The following MACROD2 variants were observed in gnomAD, a reference collection of about 807,000 sequenced individuals.
MACROD2 encodes the protein mono-ADP ribosylhydrolase 2, also known as ADP-ribose glycohydrolase MACROD2.
Under a neutral mutation model 70.4 loss-of-function variants are expected in MACROD2, and 36 were observed. The observed-to-expected ratio is 0.51, with a 90% CI of 0.39 to 0.68. MACROD2 has a LOEUF of 0.68. Among genes scored for constraint, MACROD2 ranks in the 30% least tolerant of loss-of-function variants. The pLI is 0.00. For synonymous variants in MACROD2, 172 were observed against 178.8 expected (o/e 0.96, Z 0.30); for missense variants, 496 against 538.4 (o/e 0.92, Z 0.78).
intron 4 of MACROD2, among the ~76,000 whole-genome samples, chr20:14,658,947 G>A (rs746881839): frequency 2.0e-5 from 3 of 152,128 alleles, no homozygotes; most frequent in Non-Finnish European, 4.4e-5. Flanking sequence ...TTAAAATAGC[G>A]ATTTTCAAAC....
At chr20:14,847,382 C>T (rs2073153910) in intron 5 of MACROD2, among the ~76,000 whole-genome samples, 1 of 151,562 alleles carries the variant, frequency 6.6e-6, no homozygotes, top group South Asian at 2.1e-4. Context: ...AAGAAGTCTT[C>T]TTGTCCCAGG....
rs1182453526 is a variant in MACROD2 at position 14,662,526 on chromosome 20, G to A, written c.302-22317G>A. Among the ~76,000 whole-genome samples the A allele has an allele frequency of 2.0e-5, 3 of 152,124 alleles. No homozygotes were observed. The East Asian group carries it at 5.8e-4, about 29-fold the overall frequency. ...ACTAAAGGCCTTCTGTACAGCAAAG[G>A]AAACTGTCAACAGAATGAACAGACA... On this transcript the variant is annotated intron_variant, in intron 4 of 17. Transcript: ENST00000684519.
At chr20:15,481,947 C>T (rs578063982) in intron 7 of MACROD2, among the ~76,000 whole-genome samples, 4 of 152,034 alleles carry the variant, frequency 2.6e-5, no homozygotes, top group South Asian at 4.2e-4. Flanking sequence ...GAAGTCTTTA[C>T]GGGATTGTTA....
At chr20:14,650,106 A>G (rs1985604301) in intron 4 of MACROD2, among the ~76,000 whole-genome samples, 2 of 152,132 alleles carry the variant, frequency 1.3e-5, no homozygotes, top group African/African-American at 4.8e-5. Flanking sequence ...TCCTACTATC[A>G]ATCTGAGTGG....
intron 8 of MACROD2, among the ~76,000 whole-genome samples, chr20:15,517,856 G>A (rs1437744604): frequency 6.6e-6 from 1 of 152,210 alleles, no homozygotes; most frequent in African/African-American, 2.4e-5. Context: ...AGAACTCATA[G>A]TCTTAACAGA....
At chr20:14,413,399 T>A (rs892192940) in intron 3 of MACROD2, among the ~76,000 whole-genome samples, 4 of 152,172 alleles carry the variant, frequency 2.6e-5, no homozygotes, top group Middle Eastern at 3.4e-3. Flanking sequence ...TGAACAATGT[T>A]CATGTATACT....
intron 6 of MACROD2, among the ~76,000 whole-genome samples, chr20:15,415,572 G>A (rs764178920): frequency 6.6e-5 from 10 of 152,158 alleles, no homozygotes; most frequent in Non-Finnish European, 1.0e-4. Context: ...ATCTGCTATG[G>A]ATAATTTTTA....
intron 6 of MACROD2, among the ~76,000 whole-genome samples, chr20:15,258,316 ACACTCACTCAC>A (rs2077217888): frequency 6.6e-6 from 1 of 152,042 alleles, no homozygotes; most frequent in South Asian, 2.1e-4. Flanking sequence ...TGAGGCCTTC[ACACTCACTCAC>A]CACTCACTCA....
intron 3 of MACROD2, among the ~76,000 whole-genome samples, chr20:14,475,209 A>G (rs2084577132): frequency 6.6e-6 from 1 of 152,138 alleles, no homozygotes; most frequent in Non-Finnish European, 1.5e-5. Context: ...ATAACAACTT[A>G]CCTTAAAAAG....
At position 14,071,252 on chromosome 20, in the gene MACROD2, G is replaced by GTTTTTTTTTTTTTTTTTTTT. The variant is rs59052053; in HGVS notation, c.164-14362_164-14343dup. ...GACAGTATTGGCCATTTCATCTTGT[G>GTTTTTTTTTTTTTTTTTTTT]TTTTTTTTTTTTTTTTTTTTTTTTT... On this transcript the variant is annotated intron_variant, in intron 2 of 17. Coordinates refer to ENST00000684519, the MANE Select transcript of MACROD2 (RefSeq NM_001351661.2). 2.2e-4 allele frequency among the ~76,000 whole-genome samples: 14 copies of GTTTTTTTTTTTTTTTTTTTT among 63,956 alleles called. 5 individuals are homozygous for GTTTTTTTTTTTTTTTTTTTT. Among genetic ancestry groups the GTTTTTTTTTTTTTTTTTTTT allele is most frequent in the African/African-American group, 7.0e-4 (11 of 15,800 alleles). The allele number at this position is 63,956 out of a possible 152,430, so 42.0% of individuals were successfully genotyped here. A position where few individuals can be genotyped will look rare whatever the true frequency, so the allele number is the denominator to read the frequency against.
chr20:14,877,905 G>A (rs536302795), intron 5 of MACROD2, among the ~76,000 whole-genome samples: 4 of 151,940 alleles, frequency 2.6e-5, no homozygotes, highest in Admixed American at 6.6e-5. Context: ...TTGTGTCTAC[G>A]TTCATCAGGG....
intron 12 of MACROD2, among the ~76,000 whole-genome samples, chr20:15,961,089 G>T (rs1049344255): frequency 2.0e-5 from 3 of 152,116 alleles, no homozygotes; most frequent in African/African-American, 7.2e-5. Context: ...ATAGCATGCG[G>T]TAGAGCCACA....
chr20:14,638,949 CAAA>C (rs11480800), intron 4 of MACROD2, among the ~76,000 whole-genome samples: 6 of 87,550 alleles, frequency 6.9e-5, no homozygotes, highest in Admixed American at 1.2e-4. Flanking sequence ...GACTATGTCT[CAAA>C]AAAAAAAAAA....
In MACROD2 at chr20:14,704,289, G is replaced by A. The variant is rs112468282; in HGVS notation, c.418+19330G>A. 9.4e-3 allele frequency among the ~76,000 whole-genome samples: 1,437 copies of A among 152,138 alleles called. 13 individuals carry two copies. The highest frequency in any genetic ancestry group is 0.033 in the African/African-American group (1,363 of 41,518). ...TTGTCCCTGAATATAGCGTCCATTT[G>A]TAATTCCAGGCAGTGGGCTGTAATG... On this transcript the variant is annotated intron_variant, in intron 5 of 17. Coordinates refer to ENST00000684519, the MANE Select transcript of MACROD2 (RefSeq NM_001351661.2).
At chr20:14,678,811 A>G (rs1029617077) in intron 4 of MACROD2, among the ~76,000 whole-genome samples, 4 of 152,198 alleles carry the variant, frequency 2.6e-5, no homozygotes, top group South Asian at 4.1e-4. Flanking sequence ...GTGAACTTTC[A>G]GATTCAATGA....
chr20:14,926,584 A>G (rs1391402213), intron 5 of MACROD2, among the ~76,000 whole-genome samples: 6 of 151,926 alleles, frequency 3.9e-5, no homozygotes, highest in Admixed American at 3.9e-4. Context: ...TGAGTGCTCA[A>G]GCAGTTTTAG....
intron 4 of MACROD2, among the ~76,000 whole-genome samples, chr20:14,589,665 A>G (rs2123371642): frequency 6.6e-6 from 1 of 152,280 alleles, no homozygotes; most frequent in East Asian, 1.9e-4. Flanking sequence ...TCATGACATT[A>G]TATTGTTGGT....
chr20:15,414,540 CAGA>C (rs1425918958), intron 6 of MACROD2, among the ~76,000 whole-genome samples: 2 of 152,146 alleles, frequency 1.3e-5, no homozygotes, highest in Non-Finnish European at 2.9e-5. Flanking sequence ...TTTATGTGAA[CAGA>C]AGGACGCATG....
intron 5 of MACROD2, among the ~76,000 whole-genome samples, chr20:14,692,718 A>C (rs1457434712): frequency 6.6e-6 from 1 of 152,196 alleles, no homozygotes. Context: ...CTGTTATCCC[A>C]TCACCAAACA....
Sources: allele counts gnomAD v4.1 joint callset (sites outside exome capture counted in the v4.1 genomes callset), GRCh38; gene constraint gnomAD v4.1.1; transcripts MANE v1.5; gene names NCBI Gene and HGNC (gene_info 2026-07-23, HGNC 2026-07-21).